SGCZ: variants seen among roughly 807,000 people sequenced by gnomAD.
The protein encoded by SGCZ is sarcoglycan zeta, also known as zeta-sarcoglycan.
Under a neutral mutation model 41.3 loss-of-function variants are expected in SGCZ, and 40 were observed. The ratio of observed to expected loss-of-function variants is 0.97; its 90% confidence interval spans 0.75 to 1.26. The LOEUF (loss-of-function observed/expected upper bound fraction) is 1.26. Ranked by LOEUF, SGCZ falls within the 50% of genes most tolerant of loss-of-function variation. The pLI, the probability that SGCZ is intolerant of heterozygous loss-of-function variation, is 0.00. For missense variants in SGCZ, 552 were observed against 369.8 expected (o/e 1.49, Z -4.04); for synonymous variants, 206 against 137.5 (o/e 1.50, Z -3.49).
chr8:14,677,158 A>G (rs1808304005), intron 1 of SGCZ, among the ~76,000 whole-genome samples: 1 of 151,800 alleles, frequency 6.6e-6, no homozygotes, highest in African/African-American at 2.4e-5. Context: ...AAAAACTTAT[A>G]TGCCAGCAAT....
chr8:14,456,280 C>T (rs879283142), intron 2 of SGCZ, among the ~76,000 whole-genome samples: 1 of 152,116 alleles, frequency 6.6e-6, no homozygotes, highest in East Asian at 1.9e-4. Context: ...TGGTGGTGCA[C>T]GCCTATAATC....
chr8:14,174,095 T>C (rs940802475), intron 4 of SGCZ, among the ~76,000 whole-genome samples: 10 of 152,004 alleles, frequency 6.6e-5, no homozygotes, highest in African/African-American at 1.7e-4. Flanking sequence ...ATAGAATAAA[T>C]AGATAAATCC....
intron 1 of SGCZ, among the ~76,000 whole-genome samples, chr8:14,935,903 T>C (rs561614687): frequency 3.0e-4 from 45 of 151,762 alleles, no homozygotes; most frequent in African/African-American, 1.1e-3. Context: ...AACAAAATAA[T>C]AAACAAAGAG....
chr8:14,600,499 G>C (rs1805555940), intron 1 of SGCZ, among the ~76,000 whole-genome samples: 1 of 152,076 alleles, frequency 6.6e-6, no homozygotes, highest in African/African-American at 2.4e-5. Flanking sequence ...ATTAGTTAAG[G>C]GCTCTCTCAG....
At chr8:15,053,605 T>C (rs1804599117) in intron 1 of SGCZ, among the ~76,000 whole-genome samples, 2 of 152,112 alleles carry the variant, frequency 1.3e-5, no homozygotes, top group African/African-American at 4.8e-5. Context: ...TTCATGAGAT[T>C]TACTAATCAT....
chr8:14,371,297 T>C (rs1039501280), intron 2 of SGCZ, among the ~76,000 whole-genome samples: 3 of 152,014 alleles, frequency 2.0e-5, no homozygotes, highest in South Asian at 2.1e-4. Context: ...TAAGTATTAT[T>C]AGAATCATTA....
intron 1 of SGCZ, among the ~76,000 whole-genome samples, chr8:14,592,314 T>G (rs1805266535): frequency 6.6e-6 from 1 of 152,172 alleles, no homozygotes; most frequent in South Asian, 2.1e-4. Context: ...TGTATTAGAT[T>G]GCTGCTTGCT....
At chr8:14,456,936 G>T (rs890276281) in intron 2 of SGCZ, among the ~76,000 whole-genome samples, 14 of 152,122 alleles carry the variant, frequency 9.2e-5, no homozygotes, top group Non-Finnish European at 1.9e-4. Flanking sequence ...TCACATGGCT[G>T]TTCTCACTTT....
Position 14,498,883 on chromosome 8 carries a change from C to G in SGCZ, c.234+55849G>C, listed in dbSNP as rs1486398843. 2.6e-5 allele frequency among the ~76,000 whole-genome samples: 4 copies of G among 151,076 alleles called. No homozygotes were observed. In the East Asian group the frequency reaches 7.8e-4, roughly 29 times the overall value. ...GTGTTCCTTTTGAATGTCTTAGTTT[C>G]AGGACATTTCGATGTCTTAGTCATT... On this transcript the variant is annotated intron_variant, in intron 2 of 7. Transcript: ENST00000382080.
At chr8:14,863,451 A>G (rs1803821738) in intron 1 of SGCZ, among the ~76,000 whole-genome samples, 1 of 152,000 alleles carries the variant, frequency 6.6e-6, no homozygotes, top group Admixed American at 6.6e-5. Flanking sequence ...CAGCCTCCCA[A>G]GCAGCTGGGA....
chr8:14,505,919 A>C (rs939320462), intron 2 of SGCZ, among the ~76,000 whole-genome samples: 6 of 152,182 alleles, frequency 3.9e-5, no homozygotes, highest in Non-Finnish European at 7.3e-5. Context: ...ACGCAAGCTA[A>C]CTGTTCAGGA....
In SGCZ at chr8:14,686,970, T is replaced by G. The variant is rs1012341164; in HGVS notation, c.40-132044A>C. The stretch of plus-strand genomic sequence containing the variant: ...ACTCACCTCACAAAATATTCAGTAA[T>G]AATATTAAATATAGGACTATTTACA... On this transcript the variant is annotated intron_variant, in intron 1 of 7. Coordinates refer to ENST00000382080, the MANE Select transcript of SGCZ (RefSeq NM_139167.4). Among the ~76,000 whole-genome samples, 6 of 151,620 alleles carry G rather than the reference T, an allele frequency of 4.0e-5. No individual in the cohort carries two copies. The East Asian group carries it at 1.2e-3, about 29-fold the overall frequency.
At chr8:14,358,632 G>T (rs534863259) in intron 2 of SGCZ, among the ~76,000 whole-genome samples, 1 of 151,994 alleles carries the variant, frequency 6.6e-6, no homozygotes. Context: ...ATTTTTTTGA[G>T]ATGGAGTCTT....
intron 1 of SGCZ, among the ~76,000 whole-genome samples, chr8:14,620,944 T>C (rs185138391): frequency 0.024 from 3,621 of 152,214 alleles, 87 homozygotes; most frequent in African/African-American, 0.062. Flanking sequence ...ACTGGGTATA[T>C]ACCCAAAGGA....
intron 2 of SGCZ, among the ~76,000 whole-genome samples, chr8:14,551,583 ATATATAATATATATT>A: frequency 2.7e-5 from 1 of 36,762 alleles, no homozygotes; most frequent in African/African-American, 1.5e-4. Context: ...TATATATAAT[ATATATAATATATATT>A]ATATATATTA....
At chr8:14,772,277 C>A (rs748767354) in intron 1 of SGCZ, among the ~76,000 whole-genome samples, 6 of 152,042 alleles carry the variant, frequency 3.9e-5, no homozygotes, top group Non-Finnish European at 8.8e-5. Flanking sequence ...ATATTTTCAA[C>A]TCATAATGGG....
intron 1 of SGCZ, among the ~76,000 whole-genome samples, chr8:15,080,778 G>A (rs987841011): frequency 1.3e-5 from 2 of 151,974 alleles, no homozygotes; most frequent in South Asian, 4.2e-4. Flanking sequence ...ATTTTTAGTA[G>A]AATCGGGGTT....
chr8:14,761,494 CAT>C (rs1175758074), intron 1 of SGCZ, among the ~76,000 whole-genome samples: 1 of 150,092 alleles, frequency 6.7e-6, no homozygotes, highest in Non-Finnish European at 1.5e-5. Context: ...ATTAATTGTA[CAT>C]GTTTCTATTA....
chr8:15,080,122 C>T (rs752146327), intron 1 of SGCZ, among the ~76,000 whole-genome samples: 7 of 152,164 alleles, frequency 4.6e-5, no homozygotes, highest in Non-Finnish European at 8.8e-5. Flanking sequence ...TTATTTGATT[C>T]CTGGACGAGA....
Sources: allele counts gnomAD v4.1 joint callset (sites outside exome capture counted in the v4.1 genomes callset), GRCh38; gene constraint gnomAD v4.1.1; transcripts MANE v1.5; gene names NCBI Gene and HGNC (gene_info 2026-07-23, HGNC 2026-07-21).